CCDC40: variants seen among roughly 807,000 people sequenced by gnomAD.
The protein encoded by CCDC40 is coiled-coil domain-containing protein 40.
CCDC40 carries 104 observed loss-of-function variants against 124.5 expected under a neutral mutation model. The ratio of observed to expected loss-of-function variants is 0.84; its 90% CI spans 0.71 to 0.98. The LOEUF (loss-of-function observed/expected upper bound fraction) is 0.98, where lower values mean the gene tolerates loss of function less well. Ranked by LOEUF, CCDC40 falls within the 50% of genes least tolerant of loss-of-function variation. CCDC40 has a pLI of 0.00. For synonymous variants in CCDC40, 580 were observed against 602.9 expected (o/e 0.96, Z 0.56); for missense variants, 1,463 against 1,503.9 (o/e 0.97, Z 0.45).
At position 80,065,438 on chromosome 17, in the gene CCDC40, A is replaced by C. The variant is rs748744728; in HGVS notation, c.1441-47A>C. On this transcript the variant is annotated intron_variant, in intron 9 of 19. Coordinates refer to ENST00000397545, the MANE Select transcript of CCDC40 (RefSeq NM_017950.4). ...TCTGGTGTTCTTGGGCTTTGCTCGCAAATGAAATGAGACAGCCATTCCTGC... is the reference window on the plus strand; with the variant it reads ...TCTGGTGTTCTTGGGCTTTGCTCGCCAATGAAATGAGACAGCCATTCCTGC... 7.4e-6 allele frequency: 12 copies of C among 1,611,596 alleles called. 1 individual carries two copies. The Admixed American group carries it at 1.8e-4, about 25-fold the overall frequency.
rs763976279 is a variant in CCDC40, at chr17:80,086,405, G to A, written c.2449+189G>A. Reference sequence around the variant, plus strand: ...CACTGCCTGCCCAGCTGCCCAGTTCGCAGTCACAGCGGGAGGGTTGAGAAA... The same window carrying A: ...CACTGCCTGCCCAGCTGCCCAGTTCACAGTCACAGCGGGAGGGTTGAGAAA... On this transcript the variant is annotated intron_variant, in intron 14 of 19. Transcript: ENST00000397545. The surrounding 1 kb of genome is among the most constrained non-coding windows in gnomAD (Gnocchi z 5.5). The A allele has an allele frequency of 3.3e-5, 20 of 602,666 alleles. No homozygotes were observed. Among genetic ancestry groups the A allele is most frequent in the Admixed American group, 2.1e-4 (8 of 38,596 alleles). 37.3% of individuals were successfully genotyped at this position (602,666 alleles called of 1,614,324 possible). A position where few individuals can be genotyped will look rare whatever the true frequency, so the allele number is the denominator to read the frequency against.
At chr17:80,082,638 C>T (rs2038482049) in intron 12 of CCDC40, among the ~76,000 whole-genome samples, 1 of 152,082 alleles carries the variant, frequency 6.6e-6, no homozygotes, top group African/African-American at 2.4e-5. Context: ...CGATGCCAAG[C>T]TCTGCCGGTT....
At chr17:80,089,522 GTC>G in intron 16 of CCDC40, 1 of 439,072 alleles carries the variant, frequency 2.3e-6, no homozygotes, top group Admixed American at 3.4e-5. Context: ...CTCTCTCTCT[GTC>G]TCTCTGTTTC....
chr17:80,079,169 T>C (rs958186086), intron 10 of CCDC40, among the ~76,000 whole-genome samples: 1 of 152,148 alleles, frequency 6.6e-6, no homozygotes, highest in Non-Finnish European at 1.5e-5. Context: ...CTATTGATAG[T>C]GTCTTATCCT....
At chr17:80,043,704 A>C (rs557787060) in intron 3 of CCDC40, among the ~76,000 whole-genome samples, 1 of 150,192 alleles carries the variant, frequency 6.7e-6, no homozygotes, top group South Asian at 2.1e-4. Flanking sequence ...TTTTTGTACA[A>C]GGGGGCGTCT....
intron 9 of CCDC40, among the ~76,000 whole-genome samples, chr17:80,063,821 A>G (rs1435068105): frequency 2.6e-5 from 4 of 152,228 alleles, no homozygotes; most frequent in Non-Finnish European, 5.9e-5. Flanking sequence ...AATTTATTGT[A>G]CATTTTCAGA....
Position 80,050,098 on chromosome 17 carries a change from A to G in CCDC40, c.974A>G (p.Gln325Arg), listed in dbSNP as rs1287804210. Residue 325 changes from glutamine to arginine, a missense_variant, in exon 7 of 20, where the codon CAG (glutamine) becomes CGG (arginine). Gln to Arg is a conservative substitution (Grantham distance 43). Transcript: ENST00000397545. ...ACCAAGCAGAGCCGAGCCCAGCGGC[A>G]GGAGCTGGGGGTGAATCTCTATGAG... is the stretch of plus-strand genomic sequence containing the variant. Reference protein sequence around the residue: ...VATKQSRAQRQELGVNLYEVQ... With the variant: ...VATKQSRAQRRELGVNLYEVQ... 2 of 1,613,972 alleles carry G rather than the reference A, an allele frequency of 1.2e-6. No homozygotes were observed. Among genetic ancestry groups the G allele is most frequent in the Admixed American group, 1.7e-5 (1 of 60,002 alleles).
At chr17:80,091,334 C>G (rs62075578) in intron 17 of CCDC40, among the ~76,000 whole-genome samples, 39,020 of 102,228 alleles carry the variant, frequency 0.38, 5,345 homozygotes, top group African/African-American at 0.43. Flanking sequence ...CACACACACA[C>G]ACACACACAG....
chr17:80,063,895 G>A (rs1490203470), intron 9 of CCDC40, among the ~76,000 whole-genome samples: 1 of 152,182 alleles, frequency 6.6e-6, no homozygotes, highest in Non-Finnish European at 1.5e-5. Context: ...GGAGGTGACT[G>A]ATACGCTAAT....
At chr17:80,085,821 C>G (rs757222932) in intron 13 of CCDC40, among the ~76,000 whole-genome samples, 182 bp from the exon 14 acceptor site, 1 of 152,006 alleles carries the variant, frequency 6.6e-6, no homozygotes, top group Admixed American at 6.6e-5. Flanking sequence ...AGGTGTGCAC[C>G]AGCACACCTG....
At chr17:80,089,101 T>C (rs1478372773) in intron 16 of CCDC40, among the ~76,000 whole-genome samples, 1 of 152,194 alleles carries the variant, frequency 6.6e-6, no homozygotes, top group Admixed American at 6.5e-5. Flanking sequence ...AGAAAACCAA[T>C]GTGTAGCTAT....
intron 2 of CCDC40, among the ~76,000 whole-genome samples, chr17:80,038,592 C>T (rs1305874956): frequency 6.6e-6 from 1 of 151,618 alleles, no homozygotes; most frequent in African/African-American, 2.4e-5. Context: ...TTTGGGAGGC[C>T]GAGGCAGGCA....
intron 17 of CCDC40, among the ~76,000 whole-genome samples, chr17:80,094,835 A>G (rs936571061): frequency 6.6e-6 from 1 of 152,186 alleles, no homozygotes; most frequent in Non-Finnish European, 1.5e-5. Flanking sequence ...TCACGCTACA[A>G]CCCAGTCCCC....
intron 9 of CCDC40, among the ~76,000 whole-genome samples, chr17:80,064,674 C>T (rs2037990400): frequency 6.6e-6 from 1 of 151,590 alleles, no homozygotes; most frequent in African/African-American, 2.4e-5. Flanking sequence ...CCCTAGTTTT[C>T]AAGCCCCTCC....
rs200236937 is a variant in CCDC40 at position 80,081,653 on chromosome 17, G to A, written c.1670G>A (p.Arg557Gln). The A allele has an allele frequency of 1.2e-5, 19 of 1,614,184 alleles. No homozygotes were observed. The highest frequency in any genetic ancestry group is 5.3e-5 in the African/African-American group (4 of 75,050). Residue 557 changes from arginine (R) to glutamine (Q), a missense_variant, in exon 11 of 20, where the codon CGG becomes CAG. By Grantham distance (43) the Arg-to-Gln change is conservative. Transcript: ENST00000397545. ...KNEKLASILN[R>Q]TETEATLLQK... ...GAGAAGCTGGCGAGCATCCTGAACC[G>A]GACAGAGACGGAAGCCACACTGCTG...
At chr17:80,065,643 A>G (rs746086363) in intron 10 of CCDC40, 37 bp downstream of exon 10, 49 of 1,609,740 alleles carry the variant, frequency 3.0e-5, no homozygotes, top group Non-Finnish European at 5.1e-6. Flanking sequence ...ATGTGCGGGA[A>G]CCCCAGGGGT....
chr17:80,095,327 C>T lies in CCDC40; in HGVS notation c.2897C>T (p.Ala966Val). 6.2e-7 allele frequency: 1 copy of T among 1,614,102 alleles called. No individual in the cohort carries two copies. The highest frequency in any genetic ancestry group is 8.5e-7 in the Non-Finnish European group (1 of 1,180,040). ...ATCCGTGCCATGGAGTTGGCGGTTG[C>T]CCGCAGAGAGACCGTCACCACCCAG... is the stretch of plus-strand genomic sequence containing the variant. Reference protein sequence around the residue: ...KMIRAMELAVARRETVTTQAE... With the variant: ...KMIRAMELAVVRRETVTTQAE... Residue 966 changes from alanine to valine, a missense_variant, in exon 18 of 20, where the codon GCC (alanine) becomes GTC (valine). Transcript: ENST00000397545.
intron 12 of CCDC40, among the ~76,000 whole-genome samples, chr17:80,082,652 C>T (rs553069157): frequency 6.6e-6 from 1 of 152,156 alleles, no homozygotes; most frequent in South Asian, 2.1e-4. Context: ...GCCGGTTTTG[C>T]CCTCCTGAGG....
chr17:80,099,201 T>C (rs56120040), intron 19 of CCDC40, among the ~76,000 whole-genome samples: 1 of 150,478 alleles, frequency 6.6e-6, no homozygotes, highest in African/African-American at 2.4e-5. Flanking sequence ...TGAGACAGGA[T>C]AATGGCGTGA....
Sources: allele counts gnomAD v4.1 joint callset (sites outside exome capture counted in the v4.1 genomes callset), GRCh38; gene constraint gnomAD v4.1.1; non-coding constraint Gnocchi (gnomAD v3.1); transcripts MANE v1.5; gene names NCBI Gene and HGNC (gene_info 2026-07-23, HGNC 2026-07-21).